The following PREX2 variants were observed in gnomAD, a reference collection of about 807,000 sequenced individuals.
PREX2 encodes phosphatidylinositol 3,4,5-trisphosphate-dependent Rac exchanger 2 protein.
Under a neutral mutation model 203.2 loss-of-function variants are expected in PREX2, and 107 were observed. The ratio of observed to expected loss-of-function variants is 0.53; its 90% confidence interval spans 0.45 to 0.62. The LOEUF is 0.62. Among genes scored for constraint, PREX2 ranks in the 20% least tolerant of loss-of-function variants. The pLI, the probability that PREX2 is intolerant of heterozygous loss-of-function variation, is 0.00. For missense variants in PREX2, 1,777 were observed against 1,955.9 expected (o/e 0.91, Z 1.72); for synonymous variants, 672 against 663.6 (o/e 1.01, Z -0.19).
chr8:68,119,362 A>T, intron 27 of PREX2, 70 bp from the exon 28 acceptor site: 1 of 922,966 alleles, frequency 1.1e-6, no homozygotes, highest in African/African-American at 1.6e-5. Flanking sequence ...TGAATATTAC[A>T]ATATTTTGGT....
In PREX2 at chr8:68,234,732, T is replaced by C. The variant is rs548986960; in HGVS notation, c.*3354T>C. On this transcript the variant is annotated 3_prime_UTR_variant, in exon 40 of 40. Transcript: ENST00000288368. The stretch of plus-strand genomic sequence containing the variant: ...CTGTTTTCTGTCTCTTTAAAACACA[T>C]TCTTCTGGTGGCTTGGGTTCATTGT... 6.6e-6 allele frequency: 1 copy of C among 152,228 alleles called. No homozygotes were observed. Among genetic ancestry groups the C allele is most frequent in the Non-Finnish European group, 1.5e-5 (1 of 68,010 alleles). 9.4% of individuals were successfully genotyped at this position (152,228 alleles called of 1,614,324 possible). A position where few individuals can be genotyped will look rare whatever the true frequency, so the allele number is the denominator to read the frequency against.
intron 37 of PREX2, among the ~76,000 whole-genome samples, chr8:68,199,794 T>A (rs760467345): frequency 3.9e-4 from 60 of 152,166 alleles, no homozygotes; most frequent in Non-Finnish European, 7.8e-4. Context: ...TACCCTGACA[T>A]CAAAGGACAA....
At chr8:68,112,484 C>T (rs949008716) in intron 25 of PREX2, among the ~76,000 whole-genome samples, 1 of 151,508 alleles carries the variant, frequency 6.6e-6, no homozygotes, top group Admixed American at 6.6e-5. Flanking sequence ...CCGGGGGTTA[C>T]AGATAGGAAT....
chr8:67,952,383 C>A lies in PREX2; in HGVS notation c.-12C>A, dbSNP rs371734745. Reference sequence around the variant, plus strand: ...ACGGCGGGCAGCGCCGCGCTGCGCACCGCCGCCGACCATGAGCGAGGACAG... The same window carrying A: ...ACGGCGGGCAGCGCCGCGCTGCGCAACGCCGCCGACCATGAGCGAGGACAG... On this transcript the variant is annotated 5_prime_UTR_variant, in exon 1 of 40. Transcript: ENST00000288368. 1 of 1,526,810 alleles carries A rather than the reference C, an allele frequency of 6.5e-7. No individual in the cohort carries two copies. The highest frequency in any genetic ancestry group is 1.4e-5 in the African/African-American group (1 of 69,804). 94.6% of individuals were successfully genotyped at this position (1,526,810 alleles called of 1,614,324 possible). A position where few individuals can be genotyped will look rare whatever the true frequency, so the allele number is the denominator to read the frequency against.
chr8:68,006,067 T>C (rs1807083867), intron 1 of PREX2, among the ~76,000 whole-genome samples: 1 of 152,230 alleles, frequency 6.6e-6, no homozygotes, highest in South Asian at 2.1e-4. Flanking sequence ...GCCATTATTC[T>C]TTGACCAAAA....
chr8:68,207,642 G>A (rs774049106), intron 37 of PREX2, among the ~76,000 whole-genome samples: 11 of 152,052 alleles, frequency 7.2e-5, no homozygotes, highest in Admixed American at 2.6e-4. Flanking sequence ...TTCATACTAA[G>A]TATTAGGCAT....
intron 1 of PREX2, among the ~76,000 whole-genome samples, chr8:68,016,954 C>G (rs1261742203): frequency 2.6e-5 from 4 of 152,066 alleles, no homozygotes; most frequent in African/African-American, 9.7e-5. Flanking sequence ...TGTCAATTTG[C>G]CCTCTGAAAT....
chr8:68,182,532 C>T (rs1243880895), intron 35 of PREX2, among the ~76,000 whole-genome samples: 1 of 152,024 alleles, frequency 6.6e-6, no homozygotes, highest in East Asian at 1.9e-4. Context: ...AAAGAATCCT[C>T]TTAAAAATGT....
chr8:67,952,241 C>T lies in PREX2; in HGVS notation c.-154C>T, dbSNP rs1025781517. On this transcript the variant is annotated 5_prime_UTR_variant, in exon 1 of 40. An upstream open reading frame in the 5' UTR gains an earlier in-frame stop. Transcript: ENST00000288368. Reference sequence around the variant, plus strand: ...CCCGATCCCCTCCTCTCCCTGCGCCCAGCCTCTCCCCAGCATGTAAAGTCT... The same window carrying T: ...CCCGATCCCCTCCTCTCCCTGCGCCTAGCCTCTCCCCAGCATGTAAAGTCT... 13 of 579,344 alleles carry T rather than the reference C, an allele frequency of 2.2e-5. No individual in the cohort carries two copies. The African/African-American group carries it at 2.4e-4, about 11-fold the overall frequency. The allele number at this position is 579,344 out of a possible 1,614,324, so 35.9% of individuals were successfully genotyped here.
intron 35 of PREX2, among the ~76,000 whole-genome samples, chr8:68,162,783 T>C (rs1011362026): frequency 3.3e-5 from 5 of 152,184 alleles, no homozygotes; most frequent in African/African-American, 1.2e-4. Context: ...TGGTCTAGGC[T>C]CTGAGGACTT....
At chr8:68,132,357 G>A (rs1381693717) in intron 31 of PREX2, among the ~76,000 whole-genome samples, 1 of 151,590 alleles carries the variant, frequency 6.6e-6, no homozygotes, top group Non-Finnish European at 1.5e-5. Context: ...GTAGCATGGG[G>A]CACATGTTGT....
rs1468829035 is a variant in PREX2, at chr8:68,234,034, A to G, written c.*2656A>G. 2.6e-5 allele frequency: 4 copies of G among 152,220 alleles called. No homozygotes were observed. The highest frequency in any genetic ancestry group is 4.4e-5 in the Non-Finnish European group (3 of 68,042). 9.4% of individuals were successfully genotyped at this position (152,220 alleles called of 1,614,324 possible). A position where few individuals can be genotyped will look rare whatever the true frequency, so the allele number is the denominator to read the frequency against. ...TTTACAACTCTGGATGCACATTTTGAGGTAACTCAACAGTGTTGCAATCTG... is the reference window on the plus strand; with the variant it reads ...TTTACAACTCTGGATGCACATTTTGGGGTAACTCAACAGTGTTGCAATCTG... On this transcript the variant is annotated 3_prime_UTR_variant, in exon 40 of 40. Transcript: ENST00000288368.
chr8:68,207,234 G>A (rs1421649938), intron 37 of PREX2, among the ~76,000 whole-genome samples: 3 of 152,142 alleles, frequency 2.0e-5, no homozygotes, highest in Admixed American at 6.5e-5. Flanking sequence ...AAAGGGAAAT[G>A]CAAGGCAATG....
At chr8:68,152,658 C>T (rs970026309) in intron 34 of PREX2, among the ~76,000 whole-genome samples, 7 of 152,280 alleles carry the variant, frequency 4.6e-5, no homozygotes, top group Middle Eastern at 3.4e-3. Context: ...TGGTGAGTAG[C>T]TCAGGAGGCC....
At position 68,141,750 on chromosome 8, in the gene PREX2, C is replaced by T. The variant is rs573007155; in HGVS notation, c.4087+3233C>T. On this transcript the variant is annotated intron_variant, in intron 33 of 39. Transcript: ENST00000288368. ...CACGGGCCCATTCAATGATTAGAGG[C>T]TATGTTTACAAGGATGGGATGGCAC... is the stretch of plus-strand genomic sequence containing the variant. 4.3e-4 allele frequency among the ~76,000 whole-genome samples: 66 copies of T among 152,200 alleles called. 1 individual carries two copies. Among genetic ancestry groups the T allele is most frequent in the Non-Finnish European group, 5.1e-4 (35 of 68,008 alleles).
Position 68,109,532 on chromosome 8 carries a change from G to A in PREX2, c.3055G>A (p.Asp1019Asn). Residue 1019 changes from aspartate (D) to asparagine (N), a missense_variant, in exon 25 of 40, where the codon GAC (aspartate) becomes AAC (asparagine). By Grantham distance (23) the Asp-to-Asn change is conservative (BLOSUM62 1). Coordinates refer to ENST00000288368, the MANE Select transcript of PREX2 (RefSeq NM_024870.4). ...TCTCAGGTATCTGCTAAAAGAAGAA[G>A]ACTTAGAAACCCAAGACATCTATCA... ...HGLRYLLKEE[D>N]LETQDIYQKL... 4 of 1,614,000 alleles carry A rather than the reference G, an allele frequency of 2.5e-6. No individual in the cohort carries two copies. The highest frequency in any genetic ancestry group is 3.4e-6 in the Non-Finnish European group (4 of 1,179,926).
intron 32 of PREX2, among the ~76,000 whole-genome samples, chr8:68,134,937 G>A (rs1811083954): frequency 6.6e-6 from 1 of 152,122 alleles, no homozygotes; most frequent in South Asian, 2.1e-4. Flanking sequence ...GGTTTGGATA[G>A]TTATCATCAT....
chr8:68,055,980 G>T lies in PREX2; in HGVS notation c.1238+6G>T. Reference sequence around the variant, plus strand: ...CCTAAATGCTTTCTTGGAAGGTAGGGTTGGGAGTTTGGGTGCATGACTTTC... The same window carrying T: ...CCTAAATGCTTTCTTGGAAGGTAGGTTTGGGAGTTTGGGTGCATGACTTTC... On this transcript the variant is annotated splice_donor_region_variant and intron_variant, in intron 10 of 39. Transcript: ENST00000288368. 1 of 1,605,394 alleles carries T rather than the reference G, an allele frequency of 6.2e-7. No individual in the cohort carries two copies. The highest frequency in any genetic ancestry group is 1.1e-5 in the South Asian group (1 of 88,998).
At chr8:68,055,592 G>A (rs1488875445) in intron 9 of PREX2, among the ~76,000 whole-genome samples, 1 of 152,130 alleles carries the variant, frequency 6.6e-6, no homozygotes, top group Non-Finnish European at 1.5e-5. Flanking sequence ...CCTGGCTAAA[G>A]CTTTATGCCT....
Sources: gnomAD v4.1 joint callset for allele counts (sites outside exome capture counted in the v4.1 genomes callset) on GRCh38, gnomAD v4.1.1 for gene constraint, MANE v1.5 for transcripts, NCBI Gene and HGNC (gene_info 2026-07-23, HGNC 2026-07-21) for gene names.